Variants in L3MBTL4 observed in about 807,000 individuals in gnomAD.
L3MBTL4 encodes the protein L3MBTL histone methyl-lysine binding protein 4, also known as lethal(3)malignant brain tumor-like protein 4.
A neutral mutation model predicts 84.5 loss-of-function variants in L3MBTL4; 70 were observed. The ratio of observed to expected loss-of-function variants is 0.83; its 90% CI spans 0.68 to 1.01. The LOEUF is 1.01. Among genes scored for constraint, L3MBTL4 ranks in the 50% least tolerant of loss-of-function variants. The probability of loss-of-function intolerance (pLI) is 0.00; values close to 1 mark genes in which losing one functional copy is unlikely to be tolerated. For missense variants in L3MBTL4, 715 were observed against 754.8 expected (o/e 0.95, Z 0.62); for synonymous variants, 274 against 259.8 (o/e 1.05, Z -0.52).
intron 10 of L3MBTL4, among the ~76,000 whole-genome samples, chr18:6,219,133 C>T (rs1164239574): frequency 6.6e-6 from 1 of 152,022 alleles, no homozygotes; most frequent in Non-Finnish European, 1.5e-5. Flanking sequence ...GAACTTGAGC[C>T]TTGAGCAGCC....
rs552717296 is a variant in L3MBTL4 at position 6,185,960 on chromosome 18, C to T, written c.982-14018G>A. ...AAGTGAAAACCAAAAAGGGCACTTT[C>T]TTTATTTTATTTTATTTTATTTTAT... is the stretch of plus-strand genomic sequence containing the variant. On this transcript the variant is annotated intron_variant, in intron 12 of 18. Coordinates refer to ENST00000317931, the MANE Select transcript of L3MBTL4 (RefSeq NM_001330559.2). Among the ~76,000 whole-genome samples, 74 of 145,874 alleles carry T rather than the reference C, an allele frequency of 5.1e-4. 1 individual carries two copies. The highest frequency in any genetic ancestry group is 1.6e-3 in the African/African-American group (60 of 37,114).
At chr18:6,055,056 T>C (rs2056973539) in intron 16 of L3MBTL4, among the ~76,000 whole-genome samples, 1 of 152,246 alleles carries the variant, frequency 6.6e-6, no homozygotes, top group South Asian at 2.1e-4. Flanking sequence ...TATGACTAGA[T>C]ACCTTAGCGC....
chr18:6,406,492 C>T (rs1463676609), intron 1 of L3MBTL4, among the ~76,000 whole-genome samples: 2 of 152,144 alleles, frequency 1.3e-5, no homozygotes, highest in Admixed American at 1.3e-4. Context: ...ATAATACAAC[C>T]GGACCTCTGA....
chr18:6,310,185 C>T (rs561489485), intron 3 of L3MBTL4, among the ~76,000 whole-genome samples: 44 of 152,296 alleles, frequency 2.9e-4, no homozygotes, highest in Non-Finnish European at 3.8e-4. Flanking sequence ...TCAGAGGACA[C>T]GACACAGCAG....
intron 16 of L3MBTL4, among the ~76,000 whole-genome samples, chr18:6,008,089 TTTG>T (rs1476658405): frequency 1.3e-5 from 2 of 152,220 alleles, no homozygotes; most frequent in African/African-American, 4.8e-5. Context: ...TGTGGTTTCT[TTTG>T]TTATCTCATT....
intron 12 of L3MBTL4, among the ~76,000 whole-genome samples, chr18:6,194,788 G>A (rs917819904): frequency 4.6e-5 from 7 of 152,186 alleles, no homozygotes; most frequent in South Asian, 2.1e-4. Flanking sequence ...CAGCATCCCC[G>A]ATGAATTGCC....
chr18:5,959,830 C>A (rs1050039716), intron 18 of L3MBTL4, among the ~76,000 whole-genome samples: 3 of 151,990 alleles, frequency 2.0e-5, no homozygotes, highest in Non-Finnish European at 4.4e-5. Context: ...CATTCTGCAA[C>A]AAAACCTAGC....
intron 5 of L3MBTL4, among the ~76,000 whole-genome samples, chr18:6,258,496 T>A (rs1047213561): frequency 6.6e-6 from 1 of 152,056 alleles, no homozygotes; most frequent in Non-Finnish European, 1.5e-5. Context: ...ATGAGGGAAC[T>A]GGGCTGAGCT....
chr18:6,110,175 A>G (rs534313109), intron 14 of L3MBTL4, among the ~76,000 whole-genome samples: 1 of 152,222 alleles, frequency 6.6e-6, no homozygotes, highest in African/African-American at 2.4e-5. Context: ...TGCCATTTAC[A>G]TCTCAGACCC....
intron 17 of L3MBTL4, among the ~76,000 whole-genome samples, 178 bp from the exon 18 acceptor site, chr18:5,960,334 T>C (rs1327693648): frequency 1.3e-5 from 2 of 152,298 alleles, no homozygotes; most frequent in African/African-American, 2.4e-5. Flanking sequence ...GCCCCCAGTA[T>C]TTTTTCTGTC....
intron 1 of L3MBTL4, among the ~76,000 whole-genome samples, chr18:6,379,012 T>A (rs1236207907): frequency 6.6e-6 from 1 of 152,242 alleles, no homozygotes; most frequent in Non-Finnish European, 1.5e-5. Context: ...TGGTTTGTAG[T>A]TCTCCTTGAA....
intron 12 of L3MBTL4, among the ~76,000 whole-genome samples, chr18:6,200,893 T>C (rs2045622152): frequency 6.6e-6 from 1 of 152,202 alleles, no homozygotes; most frequent in African/African-American, 2.4e-5. Context: ...CTAGTGCACA[T>C]TTGTTTTGCA....
At chr18:6,045,744 C>A (rs564944504) in intron 16 of L3MBTL4, among the ~76,000 whole-genome samples, 5 of 152,252 alleles carry the variant, frequency 3.3e-5, no homozygotes, top group African/African-American at 1.2e-4. Flanking sequence ...GAAGCCTACA[C>A]ATGGAAATTA....
chr18:6,234,134 T>TC (rs1266625766), intron 10 of L3MBTL4, among the ~76,000 whole-genome samples: 1 of 152,074 alleles, frequency 6.6e-6, no homozygotes, highest in Non-Finnish European at 1.5e-5. Flanking sequence ...TGAAACTGGA[T>TC]CCCTTCCTTA....
Position 6,008,875 on chromosome 18 carries a change from G to A in L3MBTL4, c.1445-39313C>T, listed in dbSNP as rs114615427. Among the ~76,000 whole-genome samples, 675 of 152,294 alleles carry A rather than the reference G, an allele frequency of 4.4e-3. 6 individuals carry two copies. Among genetic ancestry groups the A allele is most frequent in the African/African-American group, 0.015 (632 of 41,552 alleles). ...CAGTCTGTGTGTTGTCTGACGGATT[G>A]ACATAAACCATTTCAGACAAATGGA... On this transcript the variant is annotated intron_variant, in intron 16 of 18. Coordinates refer to ENST00000317931, the MANE Select transcript of L3MBTL4 (RefSeq NM_001330559.2).
chr18:6,105,406 TCTCGAA>T (rs1395208854), intron 14 of L3MBTL4, among the ~76,000 whole-genome samples: 3 of 151,064 alleles, frequency 2.0e-5, no homozygotes, highest in African/African-American at 7.3e-5. Flanking sequence ...GCCAGGCTGG[TCTCGAA>T]CTCCTGATCT....
chr18:6,219,769 G>A (rs1334229257), intron 10 of L3MBTL4, among the ~76,000 whole-genome samples: 1 of 152,064 alleles, frequency 6.6e-6, no homozygotes, highest in Admixed American at 6.6e-5. Flanking sequence ...TCAGGAAGAA[G>A]GGGATTTTCC....
chr18:6,269,621 C>G (rs1194085522), intron 4 of L3MBTL4, among the ~76,000 whole-genome samples: 1 of 152,104 alleles, frequency 6.6e-6, no homozygotes, highest in Non-Finnish European at 1.5e-5. Context: ...TACAACAGTA[C>G]AAAGTTGGAA....
intron 3 of L3MBTL4, among the ~76,000 whole-genome samples, chr18:6,306,802 G>A (rs564825473): frequency 6.6e-6 from 1 of 152,170 alleles, no homozygotes; most frequent in African/African-American, 2.4e-5. Flanking sequence ...TGCAATCTAA[G>A]ACTGTTGTTC....
Sources: gnomAD v4.1 joint callset for allele counts (sites outside exome capture counted in the v4.1 genomes callset) on GRCh38, gnomAD v4.1.1 for gene constraint, MANE v1.5 for transcripts, NCBI Gene and HGNC (gene_info 2026-07-23, HGNC 2026-07-21) for gene names.